PXDNL: variants seen among roughly 807,000 people sequenced by gnomAD.
PXDNL encodes the protein probable oxidoreductase PXDNL.
Under a neutral mutation model 150.8 loss-of-function variants are expected in PXDNL, and 145 were observed. The ratio of observed to expected loss-of-function variants is 0.96; its 90% CI spans 0.84 to 1.10. PXDNL has a LOEUF of 1.10. Ranked by LOEUF, PXDNL falls within the 50% of genes least tolerant of loss-of-function variation. The pLI is 0.00. For synonymous variants in PXDNL, 757 were observed against 725.7 expected, an observed-to-expected ratio of 1.04 and a Z score of -0.69; for missense variants, 2,087 against 1,873.9, an observed-to-expected ratio of 1.11 and a Z score of -2.10.
At chr8:51,753,180 A>G (rs2037065224) in intron 1 of PXDNL, among the ~76,000 whole-genome samples, 1 of 152,238 alleles carries the variant, frequency 6.6e-6, no homozygotes, top group African/African-American at 2.4e-5. Context: ...GTTTCCGGAG[A>G]AATCAAATTC....
At chr8:51,783,132 G>A (rs1335407753) in intron 1 of PXDNL, among the ~76,000 whole-genome samples, 2 of 152,180 alleles carry the variant, frequency 1.3e-5, no homozygotes, top group African/African-American at 2.4e-5. Context: ...AATCAGTGCC[G>A]TTTTACTTGG....
In PXDNL at chr8:51,449,769, A is replaced by G. The variant is rs117722842; in HGVS notation, c.1250-651T>C. Among the ~76,000 whole-genome samples the G allele has an allele frequency of 6.7e-3, 1,017 of 152,340 alleles. 8 individuals are homozygous for G. The highest frequency in any genetic ancestry group is 0.011 in the Non-Finnish European group (743 of 68,032). On this transcript the variant is annotated intron_variant, in intron 10 of 22. Transcript: ENST00000356297. ...CAATGTGGCCATTTAAGAAGAGCGC[A>G]ATGATCCCCAGTAACGCCTAAGTGA...
intron 2 of PXDNL, among the ~76,000 whole-genome samples, chr8:51,645,071 G>A (rs890111406): frequency 1.3e-5 from 2 of 152,082 alleles, no homozygotes; most frequent in East Asian, 3.9e-4. Context: ...GAAAGCCCGT[G>A]GTACAGTCTG....
At chr8:51,492,656 G>T (rs925031024) in intron 5 of PXDNL, among the ~76,000 whole-genome samples, 1 of 152,154 alleles carries the variant, frequency 6.6e-6, no homozygotes, top group Non-Finnish European at 1.5e-5. Context: ...GGCTCGGAGG[G>T]TCCTACGCCC....
intron 1 of PXDNL, among the ~76,000 whole-genome samples, chr8:51,731,745 C>T (rs1439403824): frequency 6.6e-6 from 1 of 152,234 alleles, no homozygotes; most frequent in Non-Finnish European, 1.5e-5. Context: ...TGTGGACTCA[C>T]ATGCTCAACA....
chr8:51,592,671 C>G lies in PXDNL; in HGVS notation c.264G>C (p.Lys88Asn), dbSNP rs1248339661. ...GTCCTTCAAAAGCATTTCTGGAAAT[C>G]TTTCTGATGTGGTTGTTGTTCAGCA... The part of the protein sequence containing the change: ...TLLLNNNHIR[K>N]ISRNAFEGLE... The change falls in exon 3 of 23, where the codon AAG becomes AAC. Residue 88 changes from lysine (K) to asparagine (N), a missense_variant. Lys to Asn is a moderately conservative substitution (Grantham distance 94). Coordinates refer to ENST00000356297, the MANE Select transcript of PXDNL (RefSeq NM_144651.5). The G allele has an allele frequency of 6.5e-7, 1 of 1,548,126 alleles. No individual in the cohort carries two copies. The highest frequency in any genetic ancestry group is 2.0e-5 in the Admixed American group (1 of 50,470).
intron 1 of PXDNL, among the ~76,000 whole-genome samples, chr8:51,664,300 C>A (rs569381465): frequency 3.9e-5 from 6 of 152,254 alleles, no homozygotes; most frequent in Admixed American, 3.9e-4. Flanking sequence ...CAAAGCATAA[C>A]CTCTTGAATT....
intron 4 of PXDNL, among the ~76,000 whole-genome samples, chr8:51,531,671 T>G (rs1811910582): frequency 6.6e-6 from 1 of 152,172 alleles, no homozygotes; most frequent in African/African-American, 2.4e-5. Context: ...AAACCCTAAC[T>G]TATACAGATC....
intron 3 of PXDNL, among the ~76,000 whole-genome samples, chr8:51,576,951 A>G (rs1813067988): frequency 6.6e-6 from 1 of 151,986 alleles, no homozygotes; most frequent in Admixed American, 6.6e-5. Flanking sequence ...ACTCAGTGTG[A>G]AAGAGATAAT....
chr8:51,339,644 T>G lies in PXDNL; in HGVS notation c.4126A>C (p.Ile1376Leu), dbSNP rs1474429408. ...CAAACCTGCTCTCTGAGTGCTGTGA[T>G]GGTTTCCTGAATTTCCGCTGCAAAC... ...STFAAEIQET[I>L]TALREQINKL... The change falls in exon 21 of 23, where the codon ATC becomes CTC. Residue 1376 changes from isoleucine (I) to leucine (L), a missense_variant. Coordinates refer to ENST00000356297, the MANE Select transcript of PXDNL (RefSeq NM_144651.5). 3 of 1,613,858 alleles carry G rather than the reference T, an allele frequency of 1.9e-6. No individual in the cohort carries two copies. The highest frequency in any genetic ancestry group is 3.3e-4 in the Middle Eastern group (2 of 6,062).
chr8:51,806,651 T>C (rs943369659), intron 1 of PXDNL, among the ~76,000 whole-genome samples: 1 of 152,216 alleles, frequency 6.6e-6, no homozygotes, highest in Non-Finnish European at 1.5e-5. Flanking sequence ...CCTACAAATA[T>C]GCATGGTTGG....
At chr8:51,511,683 C>T (rs142585724) in intron 4 of PXDNL, among the ~76,000 whole-genome samples, 1 of 152,160 alleles carries the variant, frequency 6.6e-6, no homozygotes, top group Non-Finnish European at 1.5e-5. Flanking sequence ...CTGAGGTCAC[C>T]GCAGAGCCAC....
chr8:51,806,116 A>C (rs1390317029), intron 1 of PXDNL, among the ~76,000 whole-genome samples: 3 of 152,228 alleles, frequency 2.0e-5, no homozygotes, highest in Non-Finnish European at 2.9e-5. Flanking sequence ...TTGGAGGGAC[A>C]GTTTTGCATT....
At chr8:51,418,689 G>A (rs1808866055) in intron 14 of PXDNL, among the ~76,000 whole-genome samples, 1 of 152,138 alleles carries the variant, frequency 6.6e-6, no homozygotes, top group African/African-American at 2.4e-5. Flanking sequence ...ATTCCTATGA[G>A]TTTAGTATAG....
chr8:51,640,616 A>C (rs552876958), intron 2 of PXDNL, among the ~76,000 whole-genome samples: 69 of 152,344 alleles, frequency 4.5e-4, no homozygotes, highest in African/African-American at 1.4e-3. Flanking sequence ...TGCTTCAAAG[A>C]GAATAAAATA....
At chr8:51,327,180 C>T (rs1176729218) in intron 21 of PXDNL, among the ~76,000 whole-genome samples, 2 of 152,128 alleles carry the variant, frequency 1.3e-5, no homozygotes, top group Non-Finnish European at 2.9e-5. Context: ...GAGCAAGCAA[C>T]GTGAGTGAAA....
intron 6 of PXDNL, among the ~76,000 whole-genome samples, chr8:51,477,361 C>T (rs186475952): frequency 8.7e-4 from 133 of 152,286 alleles, no homozygotes; most frequent in African/African-American, 3.0e-3. Flanking sequence ...TTCACACTAA[C>T]GTGAGAATAT....
chr8:51,719,108 G>T (rs1431283803), intron 1 of PXDNL, among the ~76,000 whole-genome samples: 1 of 152,220 alleles, frequency 6.6e-6, no homozygotes. Context: ...GCCCCTTCTA[G>T]GAAGTGAGGA....
At chr8:51,377,105 TAC>T (rs772419401) in intron 17 of PXDNL, among the ~76,000 whole-genome samples, 4,618 of 140,650 alleles carry the variant, frequency 0.033, 86 homozygotes, top group Middle Eastern at 0.089. Context: ...CTCTACCCTT[TAC>T]ACACACACAC....
Sources: allele counts gnomAD v4.1 joint callset (sites outside exome capture counted in the v4.1 genomes callset), GRCh38; gene constraint gnomAD v4.1.1; transcripts MANE v1.5; gene names NCBI Gene and HGNC (gene_info 2026-07-23, HGNC 2026-07-21).